The following KIF18A variants were observed in gnomAD, a reference collection of about 807,000 sequenced individuals.
The protein encoded by KIF18A is kinesin-like protein KIF18A.
A neutral mutation model predicts 103.3 loss-of-function variants in KIF18A; 67 were observed. The observed-to-expected ratio is 0.65, with a 90% CI of 0.53 to 0.79. The LOEUF (loss-of-function observed/expected upper bound fraction) is 0.79, where lower values mean the gene tolerates loss of function less well. Ranked by LOEUF, KIF18A falls within the 30% of genes least tolerant of loss-of-function variation. The probability of loss-of-function intolerance (pLI) is 0.00; values close to 1 mark genes in which losing one functional copy is unlikely to be tolerated. For missense variants in KIF18A, 1,032 were observed against 1,062.5 expected, an observed-to-expected ratio of 0.97 and a Z score of 0.40; for synonymous variants, 367 against 355.5, an observed-to-expected ratio of 1.03 and a Z score of -0.36.
chr11:28,091,141 AATAAATAAATACATACATACATAC>A (rs1851296510), intron 4 of KIF18A, among the ~76,000 whole-genome samples: 1 of 128,444 alleles, frequency 7.8e-6, no homozygotes, highest in Non-Finnish European at 1.7e-5. Context: ...TAAATAAATA[AATAAATAAATACATACATACATAC>A]ATACATACAT....
chr11:28,057,801 G>T (rs1850800883), intron 13 of KIF18A, among the ~76,000 whole-genome samples: 1 of 151,990 alleles, frequency 6.6e-6, no homozygotes, highest in African/African-American at 2.4e-5. Flanking sequence ...TTAAATTATG[G>T]TACATCTATT....
chr11:28,101,814 C>T (rs901106230), intron 1 of KIF18A, among the ~76,000 whole-genome samples: 4 of 152,068 alleles, frequency 2.6e-5, no homozygotes, highest in Non-Finnish European at 5.9e-5. Context: ...ATTTAAGTAA[C>T]ATTCCAGGGA....
intron 15 of KIF18A, among the ~76,000 whole-genome samples, chr11:28,025,943 TAA>T (rs1463191571): frequency 6.6e-6 from 1 of 151,752 alleles, no homozygotes; most frequent in Non-Finnish European, 1.5e-5. Context: ...CAAAACAAAA[TAA>T]AAGTGTATGG....
chr11:28,048,580 A>C (rs1850669974), intron 13 of KIF18A, among the ~76,000 whole-genome samples: 1 of 152,132 alleles, frequency 6.6e-6, no homozygotes, highest in African/African-American at 2.4e-5. Flanking sequence ...TAGGCTATTA[A>C]AACTAAATAC....
Position 28,021,149 on chromosome 11 carries a change from A to T in KIF18A, c.*51T>A, listed in dbSNP as rs1340731871. 3.5e-6 allele frequency: 5 copies of T among 1,429,666 alleles called. No individual in the cohort carries two copies. The highest frequency in any genetic ancestry group is 4.6e-6 in the Non-Finnish European group (5 of 1,085,578). 88.6% of individuals were successfully genotyped at this position (1,429,666 alleles called of 1,614,324 possible). A position where few individuals can be genotyped will look rare whatever the true frequency, so the allele number is the denominator to read the frequency against. Reference sequence around the variant, plus strand: ...TATATTTTTGAAAGGGTATTGATAAACTTTGAAAAGCAGATTTGATCAACT... The same window carrying T: ...TATATTTTTGAAAGGGTATTGATAATCTTTGAAAAGCAGATTTGATCAACT... On this transcript the variant is annotated 3_prime_UTR_variant, in exon 17 of 17. Transcript: ENST00000263181.
intron 13 of KIF18A, among the ~76,000 whole-genome samples, chr11:28,042,655 C>T (rs1267054303): frequency 6.6e-6 from 1 of 151,822 alleles, no homozygotes; most frequent in African/African-American, 2.4e-5. Flanking sequence ...GAATTTCTCA[C>T]TAGAAACAGT....
At chr11:28,093,424 GCAC>G (rs1851328557) in intron 3 of KIF18A, among the ~76,000 whole-genome samples, 1 of 152,050 alleles carries the variant, frequency 6.6e-6, no homozygotes, top group East Asian at 1.9e-4. Context: ...AAATTTTATG[GCAC>G]CAGAAATAAA....
rs1851187739 is a variant in KIF18A at position 28,083,227 on chromosome 11, A to T, written c.1091T>A (p.Leu364His). Residue 364 changes from leucine (L) to histidine (H), a missense_variant, in exon 8 of 17, where the codon CTT (leucine) becomes CAT (histidine). By Grantham distance (99) the Leu-to-His change is moderately conservative. Transcript: ENST00000263181. ...TTGAGTTATATGATTATTGACATTA[A>T]GAACATTGCTCTTCAACTGTTGAAA... ...DIKSSLKSNV[L>H]NVNNHITQYV... 8 of 1,556,158 alleles carry T rather than the reference A, an allele frequency of 5.1e-6. No homozygotes were observed. The highest frequency in any genetic ancestry group is 6.9e-6 in the Non-Finnish European group (8 of 1,162,274).
intron 13 of KIF18A, among the ~76,000 whole-genome samples, chr11:28,042,631 A>G (rs1014499765): frequency 1.3e-5 from 2 of 151,938 alleles, no homozygotes; most frequent in Non-Finnish European, 2.9e-5. Flanking sequence ...TTAGAAAGAC[A>G]CTGGCTGCTT....
chr11:28,021,332 A>G (rs1850240640), intron 16 of KIF18A, 50 bp from the exon 17 acceptor site: 1 of 1,254,072 alleles, frequency 8.0e-7, no homozygotes. Flanking sequence ...TATCATTCAA[A>G]AAGTTTTCAT....
chr11:28,072,103 T>G (rs1412761746), intron 10 of KIF18A, among the ~76,000 whole-genome samples: 1 of 152,178 alleles, frequency 6.6e-6, no homozygotes, highest in Non-Finnish European at 1.5e-5. Flanking sequence ...AGTAAGTGTT[T>G]GGGAATACAT....
intron 2 of KIF18A, 62 bp downstream of exon 2, chr11:28,097,561 G>T: frequency 2.8e-6 from 3 of 1,054,156 alleles, no homozygotes; most frequent in Non-Finnish European, 3.0e-6. Flanking sequence ...TCAAGTAGAT[G>T]TCCGTCCTAA....
intron 13 of KIF18A, among the ~76,000 whole-genome samples, chr11:28,057,270 C>G (rs1483019465): frequency 4.6e-5 from 7 of 152,092 alleles, no homozygotes; most frequent in African/African-American, 1.7e-4. Context: ...AATCCCAGCA[C>G]TTTGGGAGGC....
chr11:28,097,222 G>C (rs1851387472), intron 2 of KIF18A: 1 of 165,634 alleles, frequency 6.0e-6, no homozygotes, highest in Non-Finnish European at 1.3e-5. Context: ...AAAAACTGCT[G>C]AAAAGAAACT....
At chr11:28,042,773 G>T (rs541676087) in intron 13 of KIF18A, among the ~76,000 whole-genome samples, 1 of 151,532 alleles carries the variant, frequency 6.6e-6, no homozygotes, top group African/African-American at 2.4e-5. Context: ...GGCATCTAGC[G>T]CCCACTCAGA....
chr11:28,091,578 T>A (rs899842254), intron 3 of KIF18A, 65 bp from the exon 4 acceptor site: 56 of 750,776 alleles, frequency 7.5e-5, no homozygotes, highest in Non-Finnish European at 1.1e-4. Context: ...ACATCACACA[T>A]ACACTGCTAA....
At chr11:28,042,861 G>C (rs905262542) in intron 13 of KIF18A, among the ~76,000 whole-genome samples, 3 of 151,814 alleles carry the variant, frequency 2.0e-5, no homozygotes, top group African/African-American at 7.3e-5. Context: ...ATTATCATCT[G>C]AGTGCCAGAA....
chr11:28,099,278 TA>T (rs1374476661), intron 1 of KIF18A, among the ~76,000 whole-genome samples: 1 of 151,826 alleles, frequency 6.6e-6, no homozygotes, highest in African/African-American at 2.4e-5. Flanking sequence ...ATGCAGAATC[TA>T]AAAATATGAA....
At chr11:28,043,528 G>A (rs1028023127) in intron 13 of KIF18A, among the ~76,000 whole-genome samples, 9 of 151,934 alleles carry the variant, frequency 5.9e-5, no homozygotes, top group Admixed American at 6.6e-5. Context: ...TACCACAGAA[G>A]TTAATTAAAT....
Sources: gnomAD v4.1 joint callset for allele counts (sites outside exome capture counted in the v4.1 genomes callset) on GRCh38, gnomAD v4.1.1 for gene constraint, MANE v1.5 for transcripts, NCBI Gene and HGNC (gene_info 2026-07-23, HGNC 2026-07-21) for gene names.